Variants in FANCA observed in about 807,000 individuals in gnomAD.
FANCA encodes the protein FA complementation group A, also known as Fanconi anemia group A protein.
FANCA carries 236 observed loss-of-function variants against 194.3 expected under a neutral mutation model. The observed-to-expected ratio is 1.21, with a 90% CI of 1.09 to 1.35. The LOEUF (loss-of-function observed/expected upper bound fraction) is 1.35. FANCA is among the 40% of genes most tolerant of loss of function. FANCA has a pLI of 0.00. For missense variants in FANCA, 2,628 were observed against 1,813.9 expected, an observed-to-expected ratio of 1.45 and a Z score of -8.15; for synonymous variants, 1,014 against 715.8, an observed-to-expected ratio of 1.42 and a Z score of -6.65.
Position 89,737,583 on chromosome 16 carries a change from C to A in FANCA, c.*1018G>T. 1 of 761,254 alleles carries A rather than the reference C, an allele frequency of 1.3e-6. No homozygotes were observed. The highest frequency in any genetic ancestry group is 2.0e-6 in the Non-Finnish European group (1 of 511,274). The allele number at this position is 761,254 out of a possible 1,614,324, so 47.2% of individuals were successfully genotyped here. On this transcript the variant is annotated 3_prime_UTR_variant, in exon 43 of 43. Coordinates refer to ENST00000389301, the MANE Select transcript of FANCA (RefSeq NM_000135.4). ...TAGCTTTCTGAGGTTTCTTTAAAAA[C>A]CATCCTGAAATGCACACAGCTGATG...
At chr16:89,769,692 C>A in intron 26 of FANCA, 145 bp downstream of exon 26, 1 of 854,908 alleles carries the variant, frequency 1.2e-6, no homozygotes, top group Non-Finnish European at 1.9e-6. Context: ...AGATAAAATT[C>A]TGGAAGGATA....
chr16:89,737,953 T>G lies in FANCA; in HGVS notation c.*648A>C, dbSNP rs1255155795. On this transcript the variant is annotated 3_prime_UTR_variant, in exon 43 of 43. Transcript: ENST00000389301. ...TCCCAGGGCTGTGGCCCTCGCACCT[T>G]CTTATCTGCCTCTGTCCCCCAGGTG... is the stretch of plus-strand genomic sequence containing the variant. The G allele has an allele frequency of 6.2e-7, 1 of 1,614,020 alleles. No individual in the cohort carries two copies.
chr16:89,778,675 G>C (rs1598126748), intron 20 of FANCA, 126 bp downstream of exon 20: 2 of 672,472 alleles, frequency 3.0e-6, no homozygotes, highest in South Asian at 3.4e-5. Context: ...ACCAATTTTG[G>C]AGCCAATATT....
At chr16:89,769,757 C>G (rs1480688578) in intron 26 of FANCA, 80 bp downstream of exon 26, 1 of 1,513,568 alleles carries the variant, frequency 6.6e-7, no homozygotes, top group Non-Finnish European at 9.0e-7. Flanking sequence ...GCATGTCTGT[C>G]TCTTCTAATT....
At chr16:89,799,066 G>T in intron 10 of FANCA, 100 bp downstream of exon 10, 1 of 1,614,196 alleles carries the variant, frequency 6.2e-7, no homozygotes, top group Non-Finnish European at 8.5e-7. Context: ...GCTCAGGAGC[G>T]GGCTGCTGAA....
At chr16:89,788,008 G>A (rs1281099066) in intron 14 of FANCA, among the ~76,000 whole-genome samples, 1 of 151,744 alleles carries the variant, frequency 6.6e-6, no homozygotes, top group Non-Finnish European at 1.5e-5. Context: ...TGAGTAGCTG[G>A]GATTACAGGC....
intron 38 of FANCA, 118 bp downstream of exon 38, chr16:89,740,686 C>G (rs528172368): frequency 2.8e-5 from 23 of 807,946 alleles, no homozygotes; most frequent in East Asian, 2.4e-4. Context: ...CTCACACTTC[C>G]GCAAACACAA....
At chr16:89,803,477 A>G in intron 7 of FANCA, 136 bp from the exon 8 acceptor site, 1 of 768,958 alleles carries the variant, frequency 1.3e-6, no homozygotes, top group South Asian at 1.5e-5. Flanking sequence ...AGCTGCTCCT[A>G]ACCTGAGGAA....
At chr16:89,795,546 G>A (rs1237587244) in intron 11 of FANCA, among the ~76,000 whole-genome samples, 2 of 152,200 alleles carry the variant, frequency 1.3e-5, no homozygotes, top group Admixed American at 6.5e-5. Context: ...GCTGAGACAC[G>A]AGAATTGCTT....
At chr16:89,785,324 T>A (rs573227630) in intron 14 of FANCA, among the ~76,000 whole-genome samples, 1 of 152,368 alleles carries the variant, frequency 6.6e-6, no homozygotes, top group Non-Finnish European at 1.5e-5. Flanking sequence ...CCTTTTGGGA[T>A]CCTTAGGGGT....
Position 89,748,712 on chromosome 16 carries a change from G to A in FANCA, c.3295C>T (p.Gln1099Ter), listed in dbSNP as rs746176365. The change falls in exon 33 of 43, where the codon CAG (glutamine) becomes TAG (stop). Residue 1099 changes from glutamine to a stop codon, truncating the protein, a stop_gained. Transcript: ENST00000389301. LOFTEE classifies it high-confidence loss of function. ...VLCGSSFQAE[Q>*]PITARCEQFF... ...TGCTCGCATCTGGCAGTGATGGGCT[G>A]TTCTGCCTGGAAGCTGCTGCCGCAG... 2 of 1,614,148 alleles carry A rather than the reference G, an allele frequency of 1.2e-6. No individual in the cohort carries two copies. Among genetic ancestry groups the A allele is most frequent in the South Asian group, 1.1e-5 (1 of 91,076 alleles).
At position 89,765,140 on chromosome 16, in the gene FANCA, T is replaced by A; in HGVS notation, c.2602-74A>T. On this transcript the variant is annotated intron_variant, in intron 27 of 42. Transcript: ENST00000389301. ...GTGAGTGGCTGAGCAAATGCTCAGGTGGAAACAGACCATCAACAGCCCACA... is the reference window on the plus strand; with the variant it reads ...GTGAGTGGCTGAGCAAATGCTCAGGAGGAAACAGACCATCAACAGCCCACA... 5 of 1,542,692 alleles carry A rather than the reference T, an allele frequency of 3.2e-6. No individual in the cohort carries two copies. The South Asian group carries it at 3.4e-5, about 11-fold the overall frequency.
chr16:89,774,347 A>G (rs1477899555), intron 21 of FANCA, among the ~76,000 whole-genome samples: 2 of 151,962 alleles, frequency 1.3e-5, no homozygotes, highest in Non-Finnish European at 1.5e-5. Context: ...GAAGGAGGAC[A>G]CCTCTCAAGA....
At chr16:89,802,271 T>C (rs1308398538) in intron 8 of FANCA, among the ~76,000 whole-genome samples, 1 of 151,730 alleles carries the variant, frequency 6.6e-6, no homozygotes, top group African/African-American at 2.4e-5. Context: ...CGGCTATTTT[T>C]TTTTTTTTTT....
chr16:89,793,551 G>C (rs569909683), intron 11 of FANCA, among the ~76,000 whole-genome samples: 1 of 152,032 alleles, frequency 6.6e-6, no homozygotes, highest in Non-Finnish European at 1.5e-5. Context: ...TACTAGAACA[G>C]CTCGTGTCCT....
intron 33 of FANCA, among the ~76,000 whole-genome samples, chr16:89,747,522 A>ACTTT (rs1393678183): frequency 6.6e-6 from 1 of 152,040 alleles, no homozygotes; most frequent in Non-Finnish European, 1.5e-5. Flanking sequence ...AACATGGTAA[A>ACTTT]ACGTCATCTC....
intron 6 of FANCA, among the ~76,000 whole-genome samples, chr16:89,806,297 C>CCA (rs1033249199): frequency 6.6e-6 from 1 of 151,342 alleles, no homozygotes; most frequent in Non-Finnish European, 1.5e-5. Flanking sequence ...GTAGAGTGCT[C>CCA]CACAGTCAGT....
chr16:89,799,300 C>T, intron 9 of FANCA, 68 bp from the exon 10 acceptor site: 2 of 1,581,738 alleles, frequency 1.3e-6, no homozygotes, highest in East Asian at 2.2e-5. Flanking sequence ...AAACAATCCC[C>T]AGGCGCTTTC....
chr16:89,801,141 C>T (rs1000760155), intron 8 of FANCA, among the ~76,000 whole-genome samples: 2 of 151,708 alleles, frequency 1.3e-5, no homozygotes, highest in Non-Finnish European at 2.9e-5. Context: ...ATCAGAAGTT[C>T]GAGACCAGCC....
Sources: allele counts gnomAD v4.1 joint callset (sites outside exome capture counted in the v4.1 genomes callset), GRCh38; gene constraint gnomAD v4.1.1; transcripts MANE v1.5; gene names NCBI Gene and HGNC (gene_info 2026-07-23, HGNC 2026-07-21).